The following EIF2B3 variants were observed in gnomAD, a reference collection of about 807,000 sequenced individuals.
EIF2B3 encodes the protein eukaryotic translation initiation factor 2B subunit gamma.
EIF2B3 carries 20 observed loss-of-function variants against 54.1 expected under a neutral mutation model. The observed-to-expected ratio is 0.37, with a 90% confidence interval of 0.26 to 0.54. The LOEUF (loss-of-function observed/expected upper bound fraction) is 0.54, where lower values mean the gene tolerates loss of function less well. Among genes scored for constraint, EIF2B3 ranks in the 20% least tolerant of loss-of-function variants. The probability of loss-of-function intolerance (pLI) is 0.86; values close to 1 mark genes in which losing one functional copy is unlikely to be tolerated. For synonymous variants in EIF2B3, 153 were observed against 188.1 expected, an observed-to-expected ratio of 0.81 and a Z score of 1.52; for missense variants, 448 against 547.8, an observed-to-expected ratio of 0.82 and a Z score of 1.82.
chr1:44,851,061 C>T (rs1022905570), intron 11 of EIF2B3, 58 bp from the exon 12 acceptor site: 12 of 1,574,182 alleles, frequency 7.6e-6, no homozygotes, highest in Non-Finnish European at 1.0e-5. Flanking sequence ...ACATTTCAAA[C>T]CCAACTGCTT....
intron 5 of EIF2B3, among the ~76,000 whole-genome samples, chr1:44,909,825 T>C (rs1643478325): frequency 6.6e-6 from 1 of 152,182 alleles, no homozygotes. Flanking sequence ...GCAGAGGTAC[T>C]AACTTACATA....
rs572440776 is a variant in EIF2B3, at chr1:44,897,437, T to C, written c.574A>G (p.Arg192Gly). Residue 192 changes from arginine to glycine, a missense_variant, in exon 6 of 12, where the codon AGA becomes GGA. Physicochemically the swap from Arg to Gly is moderately radical, Grantham distance 125. Transcript: ENST00000360403. Reference sequence around the variant, plus strand: ...ACAAGACCCGTGTGGAAACGTATTCTAGGATGCCTGCAAAAAAATAAAAAA... The same window carrying C: ...ACAAGACCCGTGTGGAAACGTATTCCAGGATGCCTGCAAAAAAATAAAAAA... ...IKGSILQKHP[R>G]IRFHTGLVDA... 6.2e-7 allele frequency: 1 copy of C among 1,611,140 alleles called. No individual in the cohort carries two copies. The highest frequency in any genetic ancestry group is 1.1e-5 in the South Asian group (1 of 90,708).
intron 6 of EIF2B3, among the ~76,000 whole-genome samples, chr1:44,889,769 T>C (rs1299213284): frequency 1.3e-5 from 2 of 152,022 alleles, no homozygotes; most frequent in Non-Finnish European, 2.9e-5. Flanking sequence ...CCTCCAGTGA[T>C]CCACCTGCCT....
At chr1:44,959,092 A>G (rs1644257351) in intron 3 of EIF2B3, 4 of 772,602 alleles carry the variant, frequency 5.2e-6, no homozygotes, top group Non-Finnish European at 9.2e-6. Context: ...CCTCTATGAT[A>G]GCCTTAGGCT....
In EIF2B3 at chr1:44,860,691, C is replaced by A. The variant is rs1270735522; in HGVS notation, c.1203-2884G>T. On this transcript the variant is annotated intron_variant, in intron 10 of 11. Coordinates refer to ENST00000360403, the MANE Select transcript of EIF2B3 (RefSeq NM_020365.5). ...AGAAGAGACCTAGAACTGCCTTATTCTGAGCTGATATGGCTCAGTGGAAGA... is the reference window on the plus strand; with the variant it reads ...AGAAGAGACCTAGAACTGCCTTATTATGAGCTGATATGGCTCAGTGGAAGA... Among the ~76,000 whole-genome samples, 3 of 152,168 alleles carry A rather than the reference C, an allele frequency of 2.0e-5. 1 individual carries two copies. The highest frequency in any genetic ancestry group is 2.0e-4 in the Admixed American group (3 of 15,274).
chr1:44,975,335 G>A (rs1313303927), intron 3 of EIF2B3, among the ~76,000 whole-genome samples: 1 of 152,114 alleles, frequency 6.6e-6, no homozygotes, highest in Non-Finnish European at 1.5e-5. Flanking sequence ...TGAGAAATCC[G>A]GTATGTTCTG....
At chr1:44,953,557 A>T (rs1644191916) in intron 3 of EIF2B3, among the ~76,000 whole-genome samples, 1 of 152,300 alleles carries the variant, frequency 6.6e-6, no homozygotes, top group African/African-American at 2.4e-5. Flanking sequence ...TGTGCATATC[A>T]CTTGAGCCCA....
chr1:44,945,865 G>GT (rs1380873203), intron 3 of EIF2B3, among the ~76,000 whole-genome samples: 1 of 152,126 alleles, frequency 6.6e-6, no homozygotes, highest in African/African-American at 2.4e-5. Flanking sequence ...TAAGATGGCT[G>GT]TTTTTTTGCA....
chr1:44,960,201 C>CT (rs1557705575), intron 3 of EIF2B3, among the ~76,000 whole-genome samples: 1 of 152,098 alleles, frequency 6.6e-6, no homozygotes, highest in African/African-American at 2.4e-5. Flanking sequence ...TTAAAGTTGA[C>CT]TTTTTTGACA....
intron 1 of EIF2B3, among the ~76,000 whole-genome samples, chr1:44,981,690 C>G (rs1027428462): frequency 6.6e-6 from 1 of 152,086 alleles, no homozygotes; most frequent in African/African-American, 2.4e-5. Flanking sequence ...AATCCCAGCA[C>G]TTTGGGAGGC....
At chr1:44,900,251 A>C (rs145433176) in intron 5 of EIF2B3, among the ~76,000 whole-genome samples, 1 of 152,232 alleles carries the variant, frequency 6.6e-6, no homozygotes, top group East Asian at 1.9e-4. Context: ...GTTTGAGAAC[A>C]GTCTGGCCAA....
chr1:44,877,322 CT>C (rs891055156), intron 8 of EIF2B3, among the ~76,000 whole-genome samples: 17 of 151,608 alleles, frequency 1.1e-4, no homozygotes, highest in African/African-American at 3.9e-4. Context: ...TGCATTCCCC[CT>C]AGGACCAAGA....
chr1:44,879,596 T>C (rs1433136087), intron 8 of EIF2B3, among the ~76,000 whole-genome samples: 1 of 152,182 alleles, frequency 6.6e-6, no homozygotes, highest in Non-Finnish European at 1.5e-5. Context: ...TCTTAGCCTT[T>C]CCCTGGAGCC....
At chr1:44,936,212 G>GA (rs1273841606) in intron 4 of EIF2B3, among the ~76,000 whole-genome samples, 1 of 152,008 alleles carries the variant, frequency 6.6e-6, no homozygotes, top group Non-Finnish European at 1.5e-5. Context: ...TCTTTCCTGA[G>GA]AAAAAAATTT....
intron 3 of EIF2B3, chr1:44,959,125 C>G (rs994247377): frequency 1.3e-6 from 1 of 759,832 alleles, no homozygotes; most frequent in East Asian, 2.5e-5. Flanking sequence ...TATTGCTAAC[C>G]GTGAAGGCAC....
intron 3 of EIF2B3, among the ~76,000 whole-genome samples, chr1:44,947,237 C>T (rs1056401672): frequency 2.6e-5 from 4 of 152,106 alleles, no homozygotes; most frequent in African/African-American, 9.7e-5. Context: ...GCACTCTTGA[C>T]AATATAGAAA....
chr1:44,906,517 C>T (rs1230302856), intron 5 of EIF2B3, among the ~76,000 whole-genome samples: 1 of 152,246 alleles, frequency 6.6e-6, no homozygotes, highest in Non-Finnish European at 1.5e-5. Flanking sequence ...TCTCCTGCCT[C>T]AGCCTCCCGA....
chr1:44,903,879 G>C (rs1009668131), intron 5 of EIF2B3, among the ~76,000 whole-genome samples: 5 of 152,140 alleles, frequency 3.3e-5, no homozygotes, highest in Non-Finnish European at 5.9e-5. Context: ...TTCGAGACCA[G>C]CCTGGCCAAC....
intron 3 of EIF2B3, among the ~76,000 whole-genome samples, chr1:44,965,342 A>G (rs993762157): frequency 6.6e-6 from 1 of 152,226 alleles, no homozygotes; most frequent in Non-Finnish European, 1.5e-5. Context: ...TCTAATCTAC[A>G]TATAAAATTC....
Sources: allele counts gnomAD v4.1 joint callset (sites outside exome capture counted in the v4.1 genomes callset), GRCh38; gene constraint gnomAD v4.1.1; transcripts MANE v1.5; gene names NCBI Gene and HGNC (gene_info 2026-07-23, HGNC 2026-07-21).